Variants in MINDY2 observed in about 807,000 individuals in gnomAD.
MINDY2 encodes the protein ubiquitin carboxyl-terminal hydrolase MINDY-2.
Under a neutral mutation model 68.2 loss-of-function variants are expected in MINDY2, and 52 were observed. That is an observed-to-expected ratio of 0.76 (90% CI 0.61 to 0.96). The LOEUF is 0.96. MINDY2 is among the 40% of genes least tolerant of loss of function. The pLI is 0.00. For missense variants in MINDY2, 881 were observed against 773.4 expected (o/e 1.14, Z -1.65); for synonymous variants, 372 against 303.0 (o/e 1.23, Z -2.36).
chr15:58,805,112 G>A (rs1595730946), intron 3 of MINDY2, among the ~76,000 whole-genome samples: 1 of 152,146 alleles, frequency 6.6e-6, no homozygotes, highest in East Asian at 1.9e-4. Context: ...TGAAACAAAG[G>A]ATATCTAACA....
At chr15:58,854,446 G>A in intron 8 of MINDY2, 36 bp from the exon 9 acceptor site, 1 of 1,597,804 alleles carries the variant, frequency 6.3e-7, no homozygotes, top group Non-Finnish European at 8.5e-7. Flanking sequence ...CCTCAGAATA[G>A]TTAGAGTAAT....
At chr15:58,843,106 G>GA (rs2032358667) in intron 6 of MINDY2, among the ~76,000 whole-genome samples, 2 of 152,252 alleles carry the variant, frequency 1.3e-5, no homozygotes, top group South Asian at 2.1e-4. Flanking sequence ...TTTCTAAGAA[G>GA]AAAAAACTAA....
chr15:58,787,072 C>T (rs551274970), intron 1 of MINDY2, among the ~76,000 whole-genome samples: 5 of 151,820 alleles, frequency 3.3e-5, no homozygotes, highest in Admixed American at 6.6e-5. Context: ...TCACGTGATC[C>T]GCCTGCGTTG....
At chr15:58,834,237 C>T (rs1011886595) in intron 6 of MINDY2, among the ~76,000 whole-genome samples, 1 of 152,162 alleles carries the variant, frequency 6.6e-6, no homozygotes. Flanking sequence ...ATGGGAGTCT[C>T]CTATGTCTAC....
chr15:58,826,169 A>G (rs2141008852), intron 5 of MINDY2, among the ~76,000 whole-genome samples: 1 of 151,938 alleles, frequency 6.6e-6, no homozygotes, highest in South Asian at 2.1e-4. Flanking sequence ...CTCTTTATGT[A>G]AATTTACCAA....
chr15:58,772,075 C>A lies in MINDY2; in HGVS notation c.680C>A (p.Ala227Asp). ...LCKEEEGEETAQVLAASKERF... is the reference protein window; with the variant it reads ...LCKEEEGEETDQVLAASKERF... Reference sequence around the variant, plus strand: ...AAGGAGGAGGAGGGGGAGGAGACCGCTCAGGTGCTGGCGGCCTCCAAGGAA... The same window carrying A: ...AAGGAGGAGGAGGGGGAGGAGACCGATCAGGTGCTGGCGGCCTCCAAGGAA... The change falls in exon 1 of 9, where the codon GCT becomes GAT. Residue 227 changes from alanine to aspartate, a missense_variant. Ala to Asp is a moderately radical substitution (Grantham distance 126). Transcript: ENST00000559228. 6.2e-7 allele frequency: 1 copy of A among 1,612,822 alleles called. No homozygotes were observed. The highest frequency in any genetic ancestry group is 8.5e-7 in the Non-Finnish European group (1 of 1,179,262).
At chr15:58,816,926 C>T (rs536605701) in intron 4 of MINDY2, among the ~76,000 whole-genome samples, 3 of 152,122 alleles carry the variant, frequency 2.0e-5, no homozygotes, top group East Asian at 3.9e-4. Flanking sequence ...GAATAGCCAC[C>T]GTACTCCAGC....
chr15:58,838,122 G>T (rs2141034877), intron 6 of MINDY2, among the ~76,000 whole-genome samples: 1 of 152,164 alleles, frequency 6.6e-6, no homozygotes, highest in South Asian at 2.1e-4. Context: ...GCCAGGTGTG[G>T]TGTGGTGGTT....
chr15:58,844,707 A>T (rs1047414590), intron 6 of MINDY2, among the ~76,000 whole-genome samples: 1 of 151,854 alleles, frequency 6.6e-6, no homozygotes, highest in Non-Finnish European at 1.5e-5. Flanking sequence ...ATCTGAGGTC[A>T]GGAGTTCGAG....
At chr15:58,838,290 CAG>C (rs1178853912) in intron 6 of MINDY2, among the ~76,000 whole-genome samples, 10 of 151,790 alleles carry the variant, frequency 6.6e-5, no homozygotes, top group African/African-American at 2.4e-4. Context: ...GCCAGCTACT[CAG>C]AAGGCTGAGA....
At chr15:58,804,516 T>C (rs1026680559) in intron 3 of MINDY2, among the ~76,000 whole-genome samples, 1 of 151,910 alleles carries the variant, frequency 6.6e-6, no homozygotes, top group Non-Finnish European at 1.5e-5. Context: ...TTAATTTTCG[T>C]GTTTGCAAGC....
intron 2 of MINDY2, among the ~76,000 whole-genome samples, chr15:58,797,261 C>T (rs1902343388): frequency 6.6e-6 from 1 of 152,184 alleles, no homozygotes; most frequent in Admixed American, 6.5e-5. Context: ...TATCCCAGCA[C>T]TTCGCGAGAC....
chr15:58,797,882 A>G (rs1814232117), intron 2 of MINDY2, among the ~76,000 whole-genome samples: 1 of 152,180 alleles, frequency 6.6e-6, no homozygotes, highest in Admixed American at 6.6e-5. Flanking sequence ...TAATAGTACA[A>G]AGGATGAGAT....
chr15:58,801,800 C>T (rs144383107), intron 2 of MINDY2, among the ~76,000 whole-genome samples: 187 of 152,176 alleles, frequency 1.2e-3, no homozygotes, highest in African/African-American at 4.3e-3. Flanking sequence ...CCACCATGCC[C>T]GGCTAATTTT....
At chr15:58,832,007 T>A in intron 6 of MINDY2, 91 bp downstream of exon 6, 1 of 1,143,156 alleles carries the variant, frequency 8.7e-7, no homozygotes, top group East Asian at 2.7e-5. Flanking sequence ...AATAAAAGAT[T>A]TTAGCGTAAT....
intron 3 of MINDY2, among the ~76,000 whole-genome samples, chr15:58,803,367 C>G (rs1182535327): frequency 6.6e-6 from 1 of 151,618 alleles, no homozygotes. Flanking sequence ...AGTCGTGAGG[C>G]TGAGGCAGGA....
rs1283226766 is a variant in MINDY2, at chr15:58,818,692, T to C, written c.1123-3025T>C. Among the ~76,000 whole-genome samples the C allele has an allele frequency of 2.6e-5, 4 of 150,986 alleles. No individual in the cohort carries two copies. In the South Asian group the frequency reaches 8.4e-4, roughly 32 times the overall value. The stretch of plus-strand genomic sequence containing the variant: ...TTTGAGACAGTGTTTTTGTTCTTGC[T>C]ACCCAGGTGTGATCTCGGCTCACTG... On this transcript the variant is annotated intron_variant, in intron 4 of 8. Transcript: ENST00000559228.
At position 58,772,017 on chromosome 15, in the gene MINDY2, G is replaced by C; in HGVS notation, c.622G>C (p.Ala208Pro). The change falls in exon 1 of 9, where the codon GCG (alanine) becomes CCG (proline). Residue 208 changes from alanine to proline, a missense_variant. Transcript: ENST00000559228. Reference protein sequence around the residue: ...ENRVPEEEEGAAVLPGAVPLC... With the variant: ...ENRVPEEEEGPAVLPGAVPLC... ...CAGGGTCCCTGAGGAGGAGGAGGGC[G>C]CGGCGGTGTTGCCCGGGGCTGTTCC... is the stretch of plus-strand genomic sequence containing the variant. 1 of 1,596,876 alleles carries C rather than the reference G, an allele frequency of 6.3e-7. No individual in the cohort carries two copies.
chr15:58,793,205 C>T (rs1247958105), intron 2 of MINDY2, among the ~76,000 whole-genome samples: 2 of 152,168 alleles, frequency 1.3e-5, no homozygotes, highest in Non-Finnish European at 2.9e-5. Context: ...AATCCCAGCA[C>T]TTTGGGTGCT....
Sources: gnomAD v4.1 joint callset for allele counts (sites outside exome capture counted in the v4.1 genomes callset) on GRCh38, gnomAD v4.1.1 for gene constraint, MANE v1.5 for transcripts, NCBI Gene and HGNC (gene_info 2026-07-23, HGNC 2026-07-21) for gene names.